Variants in PIEZO2 observed in about 807,000 individuals in gnomAD.
The protein encoded by PIEZO2 is piezo-type mechanosensitive ion channel component 2.
Under a neutral mutation model 337.3 loss-of-function variants are expected in PIEZO2, and 172 were observed. The ratio of observed to expected loss-of-function variants is 0.51; its 90% confidence interval spans 0.45 to 0.58. The LOEUF is 0.58. Among genes scored for constraint, PIEZO2 ranks in the 20% least tolerant of loss-of-function variants. The pLI is 0.00. For synonymous variants in PIEZO2, 1,251 were observed against 1,228.5 expected, an observed-to-expected ratio of 1.02 and a Z score of -0.38; for missense variants, 3,028 against 3,391.3, an observed-to-expected ratio of 0.89 and a Z score of 2.66.
rs556345515 is a variant in PIEZO2, at chr18:10,759,609, C to T, written c.3656-26G>A. ...CTGCAGGGAGGGAAGTGGCGAACAG[C>T]ACAATCAATACTCTTCTTCACCACT... On this transcript the variant is annotated intron_variant, in intron 25 of 55. Coordinates refer to ENST00000674853, the MANE Select transcript of PIEZO2 (RefSeq NM_001378183.1). The surrounding 1 kb of genome is among the most constrained non-coding windows in gnomAD (Gnocchi z 5.5). 28 of 1,535,282 alleles carry T rather than the reference C, an allele frequency of 1.8e-5. No homozygotes were observed. The South Asian group carries it at 2.7e-4, about 15-fold the overall frequency.
At chr18:10,701,406 C>T (rs1299254898) in intron 43 of PIEZO2, among the ~76,000 whole-genome samples, 1 of 152,228 alleles carries the variant, frequency 6.6e-6, no homozygotes, top group Admixed American at 6.5e-5. Flanking sequence ...CCAGCAGGAT[C>T]ATGAGTGGCC....
intron 7 of PIEZO2, among the ~76,000 whole-genome samples, chr18:10,832,189 C>A (rs540145796): frequency 2.0e-5 from 3 of 151,982 alleles, no homozygotes; most frequent in Middle Eastern, 3.4e-3. Context: ...TCAGCTACGC[C>A]GAGATCATGC....
At chr18:10,840,783 T>C (rs1191692482) in intron 7 of PIEZO2, among the ~76,000 whole-genome samples, 1 of 152,230 alleles carries the variant, frequency 6.6e-6, no homozygotes, top group African/African-American at 2.4e-5. Flanking sequence ...GGCCAGATTC[T>C]TTCTGACAGT....
Position 10,853,489 on chromosome 18 carries a change from G to A in PIEZO2, c.917+1864C>T, listed in dbSNP as rs577462345. ...TTCTAAGGAAGCAAAAATTGAAATT[G>A]CAGCAGATCCATGGGAATTCGCTGT... On this transcript the variant is annotated intron_variant, in intron 7 of 55. Transcript: ENST00000674853. This position sits in a 1 kb window ranked among gnomAD's most constrained non-coding sequence, Gnocchi z 4.2. 8.5e-5 allele frequency among the ~76,000 whole-genome samples: 13 copies of A among 152,310 alleles called. No individual in the cohort carries two copies. The South Asian group carries it at 2.7e-3, about 32-fold the overall frequency.
intron 49 of PIEZO2, among the ~76,000 whole-genome samples, chr18:10,688,930 T>G (rs2034673837): frequency 6.6e-6 from 1 of 152,114 alleles, no homozygotes; most frequent in Non-Finnish European, 1.5e-5. Context: ...TCTCCCTCAC[T>G]TCACAAACCC....
chr18:10,857,712 TC>T (rs2041747115), intron 5 of PIEZO2, among the ~76,000 whole-genome samples: 1 of 152,236 alleles, frequency 6.6e-6, no homozygotes, highest in Non-Finnish European at 1.5e-5. Context: ...GGATGAGTGG[TC>T]CCGGGCTTCT....
At position 10,741,114 on chromosome 18, in the gene PIEZO2, T is replaced by C; in HGVS notation, c.4637-12A>G. On this transcript the variant is annotated splice_polypyrimidine_tract_variant and intron_variant, in intron 32 of 55. Transcript: ENST00000674853. ...TTTGTCTGCTTCTCCTAAAATAAAA[T>C]ACGTCCACATATTAATTCGTATAAA... 6.5e-7 allele frequency: 1 copy of C among 1,530,710 alleles called. No homozygotes were observed. Among genetic ancestry groups the C allele is most frequent in the Non-Finnish European group, 8.7e-7 (1 of 1,144,236 alleles). The allele number at this position is 1,530,710 out of a possible 1,614,324, so 94.8% of individuals were successfully genotyped here.
chr18:10,961,744 A>G (rs2033789997), intron 3 of PIEZO2, among the ~76,000 whole-genome samples: 1 of 152,168 alleles, frequency 6.6e-6, no homozygotes, highest in African/African-American at 2.4e-5. Context: ...CAACTCCACA[A>G]AGAGAATTTG....
chr18:11,118,783 G>A (rs2039956302), intron 1 of PIEZO2, among the ~76,000 whole-genome samples: 2 of 151,990 alleles, frequency 1.3e-5, no homozygotes, highest in South Asian at 2.1e-4. Context: ...GAGAGAGAGC[G>A]ACGTAAACCT....
Position 10,800,373 on chromosome 18 carries a change from G to T in PIEZO2, c.1342C>A (p.Pro448Thr). 2 of 1,536,558 alleles carry T rather than the reference G, an allele frequency of 1.3e-6. No homozygotes were observed. Among genetic ancestry groups the T allele is most frequent in the Non-Finnish European group, 1.7e-6 (2 of 1,146,558 alleles). The stretch of plus-strand genomic sequence containing the variant: ...TCAGAGGGCTCCCACCGGTACTGAG[G>T]GGTGGAGTAGAGGTCGGCTTTGCCA... ...GPGKADLYSTPQYRWEPSDES... is the reference protein window; with the variant it reads ...GPGKADLYSTTQYRWEPSDES... The change falls in exon 11 of 56, where the codon CCT becomes ACT. Residue 448 changes from proline to threonine, a missense_variant. Pro to Thr is a conservative substitution (Grantham distance 38). Coordinates refer to ENST00000674853, the MANE Select transcript of PIEZO2 (RefSeq NM_001378183.1).
intron 51 of PIEZO2, 143 bp from the exon 52 acceptor site, chr18:10,680,514 T>G: frequency 3.7e-6 from 3 of 813,100 alleles, no homozygotes; most frequent in Non-Finnish European, 3.7e-6. Flanking sequence ...TGGTCTTGAG[T>G]GTTCCATTGC....
chr18:11,140,242 T>C (rs1289971419), intron 1 of PIEZO2, among the ~76,000 whole-genome samples: 1 of 152,208 alleles, frequency 6.6e-6, no homozygotes, highest in Admixed American at 6.5e-5. Flanking sequence ...GCAGATCTTT[T>C]ATGATAAATC....
At position 11,116,779 on chromosome 18, in the gene PIEZO2, A is replaced by T. The variant is rs1365428874; in HGVS notation, c.64+31746T>A. Among the ~76,000 whole-genome samples, 1 of 151,722 alleles carries T rather than the reference A, an allele frequency of 6.6e-6. No homozygotes were observed. Among genetic ancestry groups the T allele is most frequent in the African/African-American group, 2.4e-5 (1 of 41,300 alleles). ...ACTGAATGTTACTCCATCTAACTGTATAGCACAGTAGGGTGACTATAGTTA... is the reference window on the plus strand; with the variant it reads ...ACTGAATGTTACTCCATCTAACTGTTTAGCACAGTAGGGTGACTATAGTTA... On this transcript the variant is annotated intron_variant, in intron 1 of 55. Coordinates refer to ENST00000674853, the MANE Select transcript of PIEZO2 (RefSeq NM_001378183.1). The surrounding 1 kb of genome is among the most constrained non-coding windows in gnomAD (Gnocchi z 5.0).
rs1014274183 is a variant in PIEZO2 at position 10,815,539 on chromosome 18, T to C, written c.918-8265A>G. Among the ~76,000 whole-genome samples, 30 of 152,244 alleles carry C rather than the reference T, an allele frequency of 2.0e-4. No individual in the cohort carries two copies. Among genetic ancestry groups the C allele is most frequent in the African/African-American group, 7.0e-4 (29 of 41,472 alleles). Reference sequence around the variant, plus strand: ...AAACGGGCCTTGAAAATATCCTATATACAATTGTTTTGGATTGTAAGCTAC... The same window carrying C: ...AAACGGGCCTTGAAAATATCCTATACACAATTGTTTTGGATTGTAAGCTAC... On this transcript the variant is annotated intron_variant, in intron 7 of 55. Transcript: ENST00000674853. This position sits in a 1 kb window ranked among gnomAD's most constrained non-coding sequence, Gnocchi z 4.1.
intron 7 of PIEZO2, among the ~76,000 whole-genome samples, chr18:10,832,921 C>T (rs1255015899): frequency 6.6e-6 from 1 of 152,110 alleles, no homozygotes; most frequent in Non-Finnish European, 1.5e-5. Flanking sequence ...GTGGGCAGGT[C>T]CCTAGGCTGG....
chr18:11,074,722 A>T (rs2038470090), intron 1 of PIEZO2, among the ~76,000 whole-genome samples: 1 of 152,232 alleles, frequency 6.6e-6, no homozygotes, highest in African/African-American at 2.4e-5. Flanking sequence ...AAAGGGGGAA[A>T]ATCTCTTGCA....
chr18:10,856,997 T>G lies in PIEZO2; in HGVS notation c.703+4A>C. 6.5e-7 allele frequency: 1 copy of G among 1,537,122 alleles called. No homozygotes were observed. Among genetic ancestry groups the G allele is most frequent in the Non-Finnish European group, 8.7e-7 (1 of 1,146,848 alleles). On this transcript the variant is annotated splice_donor_region_variant and intron_variant, in intron 6 of 55. Coordinates refer to ENST00000674853, the MANE Select transcript of PIEZO2 (RefSeq NM_001378183.1). The surrounding 1 kb of genome is among the most constrained non-coding windows in gnomAD (Gnocchi z 4.7). ...TACGTGCAGCCAGTGTGGGAGACAC[T>G]CACCCGAGGAGCCCAGTAAGATGGT...
intron 4 of PIEZO2, among the ~76,000 whole-genome samples, chr18:10,883,414 T>C (rs1025689700): frequency 5.3e-5 from 8 of 152,162 alleles, no homozygotes; most frequent in Non-Finnish European, 1.2e-4. Context: ...TTTCTCCATA[T>C]GCTCACCAGC....
chr18:11,064,966 T>C (rs1598905517), intron 2 of PIEZO2, among the ~76,000 whole-genome samples: 1 of 152,306 alleles, frequency 6.6e-6, no homozygotes, highest in South Asian at 2.1e-4. Context: ...TGGGGTCTCA[T>C]TAACAATATA....
Sources: allele counts gnomAD v4.1 joint callset (sites outside exome capture counted in the v4.1 genomes callset), GRCh38; gene constraint gnomAD v4.1.1; non-coding constraint Gnocchi (gnomAD v3.1); transcripts MANE v1.5; gene names NCBI Gene and HGNC (gene_info 2026-07-23, HGNC 2026-07-21).